Variants in MTM1 observed in about 807,000 individuals in gnomAD.
The protein encoded by MTM1 is myotubularin.
A neutral mutation model predicts 52.1 loss-of-function variants in MTM1; 9 were observed. The ratio of observed to expected loss-of-function variants is 0.17; its 90% CI spans 0.10 to 0.30. The LOEUF is 0.30. Ranked by LOEUF, MTM1 falls within the 10% of genes least tolerant of loss-of-function variation. The pLI, the probability that MTM1 is intolerant of heterozygous loss-of-function variation, is 1.00. For missense variants in MTM1, 277 were observed against 470.7 expected (o/e 0.59, Z 3.81); for synonymous variants, 136 against 163.8 (o/e 0.83, Z 1.29).
chrX:150,574,157 G>A (rs921449657), intron 1 of MTM1, among the ~76,000 whole-genome samples: 1 of 111,549 alleles, frequency 9.0e-6, no homozygotes, highest in East Asian at 2.8e-4. Context: ...TGCTTGGAGA[G>A]AGAACTGATT....
At chrX:150,580,963 C>A (rs2038571997) in intron 1 of MTM1, among the ~76,000 whole-genome samples, 1 of 111,905 alleles carries the variant, frequency 8.9e-6, no homozygotes, top group Non-Finnish European at 1.9e-5. Context: ...CCAAAAGCCC[C>A]ATGTAGAGGA....
chrX:150,588,236 A>C (rs1412423491), intron 1 of MTM1, among the ~76,000 whole-genome samples: 2 of 112,186 alleles, frequency 1.8e-5, no homozygotes, highest in African/African-American at 6.5e-5. Flanking sequence ...CTTAACGTAA[A>C]TGCCAACACA....
In MTM1 at chrX:150,671,572, C is replaced by T; in HGVS notation, c.1789C>T (p.Pro597Ser). 8.3e-7 allele frequency: 1 copy of T among 1,211,458 alleles called. No homozygotes were observed. The highest frequency in any genetic ancestry group is 1.1e-6 in the Non-Finnish European group (1 of 895,491). Residue 597 changes from proline (P) to serine (S), a missense_variant, in exon 15 of 15, where the codon CCC (proline) becomes TCC (serine). Physicochemically the swap from Pro to Ser is moderately conservative, Grantham distance 74. Transcript: ENST00000370396. ...ACCTTCCAGTCCTTCGCAAATGATGCCCCATGTGCAAACTCACTTCTGAGG... is the reference window on the plus strand; with the variant it reads ...ACCTTCCAGTCCTTCGCAAATGATGTCCCATGTGCAAACTCACTTCTGAGG... ...TSPSSPSQMMPHVQTHF is the reference protein window; with the variant it reads ...TSPSSPSQMMSHVQTHF
At chrX:150,637,852 G>A (rs782426583) in intron 6 of MTM1, among the ~76,000 whole-genome samples, 9 of 112,358 alleles carry the variant, frequency 8.0e-5, no homozygotes, top group Admixed American at 1.9e-4. Flanking sequence ...GAGCAGAGAT[G>A]TGGCGGGGGA....
intron 1 of MTM1, among the ~76,000 whole-genome samples, chrX:150,581,209 A>C (rs2038578202): frequency 8.9e-6 from 1 of 112,015 alleles, no homozygotes; most frequent in South Asian, 3.7e-4. Context: ...AGTTCATGAG[A>C]TGGTACCTTA....
At chrX:150,565,813 A>G (rs782288771), upstream of MTM1, among the ~76,000 whole-genome samples, 2 of 111,721 alleles carry the variant, frequency 1.8e-5, no homozygotes, top group Admixed American at 1.9e-4. Context: ...GAGGGGCGGA[A>G]ACAGGTGTAG....
chrX:150,607,793 A>G (rs1268050673), intron 4 of MTM1, among the ~76,000 whole-genome samples: 1 of 111,762 alleles, frequency 8.9e-6, no homozygotes, highest in Admixed American at 9.5e-5. Flanking sequence ...GCCAGGTGCT[A>G]GGATATGATG....
intron 14 of MTM1, among the ~76,000 whole-genome samples, chrX:150,667,936 A>G (rs1557415026): frequency 8.9e-6 from 1 of 112,458 alleles, no homozygotes; most frequent in Non-Finnish European, 1.9e-5. Flanking sequence ...CATATTTGGG[A>G]AAAGGATCTT....
chrX:150,603,071 T>G (rs781958774), intron 4 of MTM1, among the ~76,000 whole-genome samples: 4 of 112,123 alleles, frequency 3.6e-5, no homozygotes, highest in Admixed American at 9.4e-5. Context: ...GAGATGATAC[T>G]TGAACCAACT....
At chrX:150,651,786 A>T (rs979073901) in intron 10 of MTM1, among the ~76,000 whole-genome samples, 1 of 111,196 alleles carries the variant, frequency 9.0e-6, no homozygotes, top group South Asian at 3.8e-4. Flanking sequence ...AGATCAGAGG[A>T]CTTTGAGTGG....
chrX:150,599,300 T>C (rs782785813), intron 4 of MTM1, among the ~76,000 whole-genome samples: 202 of 112,510 alleles, frequency 1.8e-3, no homozygotes, highest in Non-Finnish European at 3.2e-3. Context: ...TTTTGAGGAA[T>C]GTTCCATCAC....
intron 2 of MTM1, among the ~76,000 whole-genome samples, chrX:150,593,836 G>A (rs374578295): frequency 1.8e-5 from 2 of 110,200 alleles, no homozygotes; most frequent in South Asian, 3.9e-4. Flanking sequence ...GTGTGATGGC[G>A]TGCGCCCATA....
chrX:150,618,663 A>G, intron 5 of MTM1, among the ~76,000 whole-genome samples: 1 of 111,839 alleles, frequency 8.9e-6, no homozygotes, highest in Non-Finnish European at 1.9e-5. Flanking sequence ...CAAAAACTAA[A>G]TTAAATAAAA....
intron 4 of MTM1, among the ~76,000 whole-genome samples, chrX:150,606,904 G>GGTTCCCTCCCTTCCCTC (rs1557412843): frequency 5.7e-5 from 2 of 34,911 alleles, no homozygotes; most frequent in Admixed American, 3.7e-4. Context: ...TCCCTTCCCT[G>GGTTCCCTCCCTTCCCTC]GGTTCCCTCC....
chrX:150,656,537 A>G (rs1165440027), intron 10 of MTM1, among the ~76,000 whole-genome samples: 1 of 112,205 alleles, frequency 8.9e-6, no homozygotes, highest in Non-Finnish European at 1.9e-5. Context: ...CTGGTACTTT[A>G]TGACAGCCCT....
Position 150,667,456 on chromosome X carries a change from G to A in MTM1, c.1644+3847G>A, listed in dbSNP as rs782429779. ...TGAAACTCCCAGGATCGTTATGTTC[G>A]TTGTTTGTCCGTCTCCCCCTGCTAG... On this transcript the variant is annotated intron_variant, in intron 14 of 14. Transcript: ENST00000370396. Among the ~76,000 whole-genome samples the A allele has an allele frequency of 1.2e-4, 13 of 111,558 alleles. 1 individual carries two copies. The East Asian group carries it at 2.2e-3, about 19-fold the overall frequency.
intron 6 of MTM1, among the ~76,000 whole-genome samples, chrX:150,635,312 G>A (rs143725226): frequency 1.8e-5 from 2 of 112,263 alleles, no homozygotes; most frequent in Admixed American, 9.4e-5. Flanking sequence ...GCGCTTGATG[G>A]TTATAGTGGA....
In MTM1 at chrX:150,619,185, C is replaced by T. The variant is rs782373180; in HGVS notation, c.444+46C>T. On this transcript the variant is annotated intron_variant, in intron 6 of 14. Coordinates refer to ENST00000370396, the MANE Select transcript of MTM1 (RefSeq NM_000252.3). ...CAGCGTGGGAAGGTTCTCAGTGCCT[C>T]CTCTGTGAAAACTGCCTGCAAACTG... 4.1e-6 allele frequency: 4 copies of T among 966,429 alleles called. No homozygotes were observed. In the East Asian group the frequency reaches 9.2e-5, roughly 22 times the overall value. 79.6% of individuals were successfully genotyped at this position (966,429 alleles called of 1,213,427 possible). A position where few individuals can be genotyped will look rare whatever the true frequency, so the allele number is the denominator to read the frequency against.
chrX:150,565,749 G>A (rs782350859), upstream of MTM1, among the ~76,000 whole-genome samples: 62 of 112,175 alleles, frequency 5.5e-4, no homozygotes, highest in African/African-American at 2.0e-3. Context: ...AAGGTAGGAG[G>A]TGCCTCCAGC....
Sources: allele counts gnomAD v4.1 joint callset (sites outside exome capture counted in the v4.1 genomes callset), GRCh38; gene constraint gnomAD v4.1.1; transcripts MANE v1.5; gene names NCBI Gene and HGNC (gene_info 2026-07-23, HGNC 2026-07-21).